GCNT1: variants seen among roughly 807,000 people sequenced by gnomAD.
GCNT1 encodes the protein glucosaminyl (N-acetyl) transferase 1.
GCNT1 carries 16 observed loss-of-function variants against 26.2 expected under a neutral mutation model. The observed-to-expected ratio is 0.61, with a 90% CI of 0.41 to 0.93. The LOEUF (loss-of-function observed/expected upper bound fraction) is 0.93. Among genes scored for constraint, GCNT1 ranks in the 40% least tolerant of loss-of-function variants. The pLI is 0.00. For missense variants in GCNT1, 477 were observed against 526.7 expected (o/e 0.91, Z 0.92); for synonymous variants, 183 against 190.8 (o/e 0.96, Z 0.34).
chr9:76,409,974 C>T, the GCNT1 span, among the ~76,000 whole-genome samples: 1 of 152,014 alleles, frequency 6.6e-6, no homozygotes, highest in South Asian at 2.1e-4. Context: ...TAATTTACTT[C>T]AAAATATTTT....
upstream of GCNT1, among the ~76,000 whole-genome samples, chr9:76,454,386 GAAAAAAAAAAAAAAAAAA>G (rs71372084): frequency 2.5e-5 from 1 of 39,606 alleles, no homozygotes; most frequent in Non-Finnish European, 5.0e-5. Flanking sequence ...TCTCAGAAAA[GAAAAAAAAAAAAAAAAAA>G]AAAAAAAAAA....
chr9:76,439,223 C>CTTTTTTTTTT (rs71499153), upstream of GCNT1, among the ~76,000 whole-genome samples: 28 of 120,110 alleles, frequency 2.3e-4, no homozygotes, highest in South Asian at 5.4e-4. Flanking sequence ...TTTTCTTTTT[C>CTTTTTTTTTT]TTTTTTTTTT....
chr9:76,486,822 T>A (rs1824590554), intron 2 of GCNT1, among the ~76,000 whole-genome samples: 1 of 152,106 alleles, frequency 6.6e-6, no homozygotes. Context: ...ATGCCTACAA[T>A]CCTAGCACTT....
At chr9:76,468,850 G>T (rs1012747131) in intron 2 of GCNT1, among the ~76,000 whole-genome samples, 3 of 152,196 alleles carry the variant, frequency 2.0e-5, no homozygotes, top group African/African-American at 7.2e-5. Context: ...AAGTGGCTGT[G>T]TGGAGAAGTT....
intron 2 of GCNT1, among the ~76,000 whole-genome samples, chr9:76,473,571 A>G (rs894109303): frequency 6.6e-6 from 1 of 152,236 alleles, no homozygotes; most frequent in African/African-American, 2.4e-5. Flanking sequence ...AAGTTAGCTC[A>G]CTTACTCTTT....
intron 1 of GCNT1, among the ~76,000 whole-genome samples, chr9:76,428,265 CAAAAAAAAAAAAAA>C (rs869195487): frequency 3.4e-5 from 1 of 29,774 alleles, no homozygotes; most frequent in African/African-American, 1.0e-4. Context: ...GACTCCGTCT[CAAAAAAAAAAAAAA>C]AAAAAAAAAA....
rs547133745 is a variant in GCNT1, at chr9:76,493,644, C to T, written c.-289-7272C>T. The stretch of plus-strand genomic sequence containing the variant: ...ATTTCTTTGCTTGTTTCCTTCTGGG[C>T]GGGGGAGATTAGAGGAGGCTCATCA... On this transcript the variant is annotated intron_variant, in intron 2 of 3. Transcript: ENST00000376730. 5.6e-4 allele frequency among the ~76,000 whole-genome samples: 85 copies of T among 151,926 alleles called. 1 individual carries two copies. In the South Asian group the frequency reaches 0.011, roughly 19 times the overall value.
At chr9:76,479,307 C>T (rs1265916160) in intron 2 of GCNT1, among the ~76,000 whole-genome samples, 1 of 152,178 alleles carries the variant, frequency 6.6e-6, no homozygotes, top group Non-Finnish European at 1.5e-5. Flanking sequence ...AATAGTGCCG[C>T]AATAAACCTA....
chr9:76,413,949 C>A, the GCNT1 span, among the ~76,000 whole-genome samples: 1 of 152,068 alleles, frequency 6.6e-6, no homozygotes, highest in Non-Finnish European at 1.5e-5. Context: ...GACACATTCT[C>A]AAGATCAGTG....
intron 1 of GCNT1, among the ~76,000 whole-genome samples, chr9:76,421,477 G>A (rs925395999): frequency 1.3e-5 from 2 of 151,444 alleles, no homozygotes; most frequent in Admixed American, 1.3e-4. Flanking sequence ...GGTGGTGTGT[G>A]CCTGTAGTCC....
intron 1 of GCNT1, among the ~76,000 whole-genome samples, chr9:76,452,822 G>A (rs1823693647): frequency 6.6e-6 from 1 of 152,092 alleles, no homozygotes; most frequent in Admixed American, 6.6e-5. Context: ...AAGTGGGAAG[G>A]GCTCCCTACC....
intron 1 of GCNT1, among the ~76,000 whole-genome samples, chr9:76,444,142 C>T (rs527476490): frequency 2.6e-5 from 4 of 151,956 alleles, no homozygotes; most frequent in Non-Finnish European, 5.9e-5. Context: ...AAGCAGGCTC[C>T]GGGAGAAGAA....
chr9:76,429,916 A>G (rs1051070372), intron 1 of GCNT1, among the ~76,000 whole-genome samples: 10 of 151,902 alleles, frequency 6.6e-5, no homozygotes, highest in Admixed American at 3.3e-4. Context: ...GGGTTTCACC[A>G]TGTTAGCCAG....
At chr9:76,459,741 G>A (rs1823831478) in intron 1 of GCNT1, among the ~76,000 whole-genome samples, 1 of 152,198 alleles carries the variant, frequency 6.6e-6, no homozygotes, top group Admixed American at 6.5e-5. Context: ...CTACTTTACT[G>A]ATAAAGAGGC....
intron 2 of GCNT1, among the ~76,000 whole-genome samples, chr9:76,469,072 A>C (rs999642565): frequency 2.0e-5 from 3 of 152,070 alleles, no homozygotes; most frequent in Non-Finnish European, 4.4e-5. Context: ...CCCACTGGGC[A>C]AATTTCGCCA....
intron 2 of GCNT1, among the ~76,000 whole-genome samples, chr9:76,488,935 A>T (rs1466385093): frequency 1.3e-5 from 2 of 152,258 alleles, no homozygotes; most frequent in African/African-American, 4.8e-5. Flanking sequence ...GTAGTAGGAT[A>T]CAACAATATC....
intron 2 of GCNT1, among the ~76,000 whole-genome samples, chr9:76,477,798 C>T (rs1401577383): frequency 1.3e-5 from 2 of 152,140 alleles, no homozygotes; most frequent in African/African-American, 4.8e-5. Flanking sequence ...TTCTTCCCTC[C>T]CCCAGCTCTG....
At chr9:76,422,491 T>C (rs2131571650) in intron 1 of GCNT1, among the ~76,000 whole-genome samples, 1 of 152,340 alleles carries the variant, frequency 6.6e-6, no homozygotes, top group Middle Eastern at 3.4e-3. Flanking sequence ...ATGCATTCAG[T>C]AGAAACCATA....
In GCNT1 at chr9:76,506,219, C is replaced by T. The variant is rs1825235214; in HGVS notation, c.*2551C>T. On this transcript the variant is annotated 3_prime_UTR_variant, in exon 4 of 4. Coordinates refer to ENST00000376730, the MANE Select transcript of GCNT1 (RefSeq NM_001490.5). ...ATTACTTTATAGTAATTATTAAACA[C>T]TAATTTTTGTACTGTCATTGAAGGT... is the stretch of plus-strand genomic sequence containing the variant. 1 of 166,376 alleles carries T rather than the reference C, an allele frequency of 6.0e-6. No homozygotes were observed. Among genetic ancestry groups the T allele is most frequent in the Non-Finnish European group, 1.5e-5 (1 of 67,598 alleles). 10.3% of individuals were successfully genotyped at this position (166,376 alleles called of 1,614,324 possible). A position where few individuals can be genotyped will look rare whatever the true frequency, so the allele number is the denominator to read the frequency against.
Sources: allele counts gnomAD v4.1 joint callset (sites outside exome capture counted in the v4.1 genomes callset), GRCh38; gene constraint gnomAD v4.1.1; transcripts MANE v1.5; gene names NCBI Gene and HGNC (gene_info 2026-07-23, HGNC 2026-07-21).